The following ADAM12 variants were observed in gnomAD, a reference collection of about 807,000 sequenced individuals.
The protein encoded by ADAM12 is disintegrin and metalloproteinase domain-containing protein 12.
ADAM12 carries 70 observed loss-of-function variants against 106.4 expected under a neutral mutation model. The ratio of observed to expected loss-of-function variants is 0.66; its 90% CI spans 0.54 to 0.80. The LOEUF is 0.80. ADAM12 is among the 30% of genes least tolerant of loss of function. ADAM12 has a pLI of 0.00. For synonymous variants in ADAM12, 420 were observed against 433.5 expected (o/e 0.97, Z 0.39); for missense variants, 1,010 against 1,171.9 (o/e 0.86, Z 2.02).
At chr10:126,051,793 T>A (rs1565015955) in intron 14 of ADAM12, among the ~76,000 whole-genome samples, 1 of 152,218 alleles carries the variant, frequency 6.6e-6, no homozygotes, top group Non-Finnish European at 1.5e-5. Context: ...ACCTCCTGCT[T>A]GCTTGAAAAT....
chr10:126,344,133 T>C (rs1360528528), intron 1 of ADAM12, among the ~76,000 whole-genome samples: 1 of 152,210 alleles, frequency 6.6e-6, no homozygotes, highest in African/African-American at 2.4e-5. Flanking sequence ...TAGGTTTTCT[T>C]CTAGGGTTTT....
chr10:126,359,488 G>T (rs1438145015), intron 1 of ADAM12, among the ~76,000 whole-genome samples: 1 of 152,140 alleles, frequency 6.6e-6, no homozygotes, highest in East Asian at 1.9e-4. Flanking sequence ...GGGAGAAATT[G>T]ACCAAAACAA....
At chr10:126,131,005 T>C (rs1379980569) in intron 5 of ADAM12, among the ~76,000 whole-genome samples, 3 of 152,120 alleles carry the variant, frequency 2.0e-5, no homozygotes, top group Admixed American at 6.5e-5. Context: ...GATGTTTCCA[T>C]TGATGGCTGA....
intron 3 of ADAM12, among the ~76,000 whole-genome samples, chr10:126,231,413 A>G (rs1163841056): frequency 6.6e-6 from 1 of 151,070 alleles, no homozygotes; most frequent in East Asian, 1.9e-4. Flanking sequence ...AGCACCAGCT[A>G]TTGGGTCCTT....
intron 2 of ADAM12, among the ~76,000 whole-genome samples, chr10:126,324,227 G>T (rs1374639393): frequency 6.6e-6 from 1 of 152,254 alleles, no homozygotes; most frequent in Admixed American, 6.5e-5. Context: ...GAGGCCAGGG[G>T]TTCAGGATGG....
intron 14 of ADAM12, among the ~76,000 whole-genome samples, chr10:126,054,945 C>T (rs751272122): frequency 3.9e-5 from 6 of 152,110 alleles, no homozygotes; most frequent in African/African-American, 1.4e-4. Context: ...TTCATGATCA[C>T]GTCAGTAGGG....
chr10:126,035,337 C>CA (rs1359495686), intron 21 of ADAM12, among the ~76,000 whole-genome samples: 3 of 152,002 alleles, frequency 2.0e-5, no homozygotes, highest in African/African-American at 7.2e-5. Flanking sequence ...TTTCTAACAG[C>CA]AAAAAATGAT....
chr10:126,167,650 ATATT>A (rs5788770), intron 3 of ADAM12, among the ~76,000 whole-genome samples: 17,616 of 152,126 alleles, frequency 0.12, 2,235 homozygotes, highest in African/African-American at 0.31. Context: ...AAACTCATTT[ATATT>A]TATTCATTAG....
intron 3 of ADAM12, among the ~76,000 whole-genome samples, chr10:126,277,214 C>T (rs1565185800): frequency 1.3e-5 from 2 of 152,070 alleles, no homozygotes; most frequent in Non-Finnish European, 2.9e-5. Flanking sequence ...GTTCCCTTCC[C>T]CCCTATAATG....
At chr10:126,143,826 G>A (rs2133697423) in intron 4 of ADAM12, among the ~76,000 whole-genome samples, 1 of 152,146 alleles carries the variant, frequency 6.6e-6, no homozygotes, top group African/African-American at 2.4e-5. Flanking sequence ...CAGCATGACT[G>A]CAGTCAGGTC....
chr10:126,139,731 C>T (rs1956475515), intron 4 of ADAM12, among the ~76,000 whole-genome samples: 1 of 152,132 alleles, frequency 6.6e-6, no homozygotes, highest in Non-Finnish European at 1.5e-5. Flanking sequence ...TCACAGTGCC[C>T]TGTTCCTCCC....
intron 1 of ADAM12, among the ~76,000 whole-genome samples, chr10:126,355,544 G>A (rs552802114): frequency 6.6e-6 from 1 of 152,334 alleles, no homozygotes; most frequent in East Asian, 1.9e-4. Flanking sequence ...AAGGGTAGGA[G>A]AAATGGTCTC....
At chr10:126,113,858 A>T (rs1300919378) in intron 6 of ADAM12, among the ~76,000 whole-genome samples, 1 of 150,762 alleles carries the variant, frequency 6.6e-6, no homozygotes, top group African/African-American at 2.4e-5. Context: ...GTCATGATGG[A>T]CATGGGTAGC....
chr10:126,286,744 C>T (rs886765870), intron 2 of ADAM12, among the ~76,000 whole-genome samples: 27 of 152,240 alleles, frequency 1.8e-4, no homozygotes, highest in African/African-American at 5.3e-4. Context: ...TGGGGTGTCC[C>T]TGGATTGGGG....
chr10:126,341,162 T>G (rs1240176523), intron 1 of ADAM12, among the ~76,000 whole-genome samples: 1 of 152,182 alleles, frequency 6.6e-6, no homozygotes, highest in African/African-American at 2.4e-5. Context: ...CCAACCCAAG[T>G]TGCTTCCCGG....
intron 14 of ADAM12, among the ~76,000 whole-genome samples, chr10:126,058,964 AT>A (rs887703119): frequency 6.6e-6 from 1 of 152,154 alleles, no homozygotes; most frequent in African/African-American, 2.4e-5. Context: ...TATTACATCA[AT>A]GTAGAGCCTT....
At chr10:126,052,260 TAAGA>T (rs1954522521) in intron 14 of ADAM12, among the ~76,000 whole-genome samples, 1 of 152,098 alleles carries the variant, frequency 6.6e-6, no homozygotes. Flanking sequence ...GTGGAAGGGC[TAAGA>T]AAATGGGGCA....
intron 3 of ADAM12, among the ~76,000 whole-genome samples, chr10:126,250,163 G>A (rs911301148): frequency 1.3e-5 from 2 of 152,196 alleles, no homozygotes; most frequent in African/African-American, 4.8e-5. Context: ...CCTCGCATGA[G>A]GTTTCTTCCC....
intron 10 of ADAM12, among the ~76,000 whole-genome samples, chr10:126,094,394 C>A (rs1955518927): frequency 6.6e-6 from 1 of 152,170 alleles, no homozygotes; most frequent in Non-Finnish European, 1.5e-5. Context: ...TATGTTTTTA[C>A]ATGACATCTT....
Sources: allele counts gnomAD v4.1 joint callset (sites outside exome capture counted in the v4.1 genomes callset), GRCh38; gene constraint gnomAD v4.1.1; transcripts MANE v1.5; gene names NCBI Gene and HGNC (gene_info 2026-07-23, HGNC 2026-07-21).